Variants in HTR1E observed in about 807,000 individuals in gnomAD.
HTR1E encodes 5-hydroxytryptamine receptor 1E.
In HTR1E, 3 loss-of-function variants were observed where a neutral mutation model predicts 3.4. The ratio of observed to expected loss-of-function variants is 0.89; its 90% CI spans 0.41 to 2.31. The LOEUF is 2.31. HTR1E is among the 30% of genes most tolerant of loss of function. HTR1E has a pLI of 0.05. For missense variants in HTR1E, 392 were observed against 467.0 expected (o/e 0.84, Z 1.48); for synonymous variants, 170 against 182.8 (o/e 0.93, Z 0.56).
intron 1 of HTR1E, among the ~76,000 whole-genome samples, chr6:86,940,689 C>T (rs895328189): frequency 2.0e-5 from 3 of 152,050 alleles, no homozygotes; most frequent in Admixed American, 6.6e-5. Context: ...GTTTTGATTG[C>T]CCACCCTGGA....
At chr6:86,979,612 G>C (rs1175160766) in intron 1 of HTR1E, among the ~76,000 whole-genome samples, 1 of 152,150 alleles carries the variant, frequency 6.6e-6, no homozygotes, top group South Asian at 2.1e-4. Flanking sequence ...AGTCCCTGGA[G>C]ACTTTAAGAC....
intron 1 of HTR1E, among the ~76,000 whole-genome samples, chr6:86,950,162 G>C (rs1036204844): frequency 1.3e-5 from 2 of 152,086 alleles, no homozygotes; most frequent in African/African-American, 4.8e-5. Context: ...TAAGAGTCAG[G>C]TTATTTCCCT....
chr6:86,995,934 T>C (rs1767934562), intron 1 of HTR1E, among the ~76,000 whole-genome samples: 1 of 151,708 alleles, frequency 6.6e-6, no homozygotes, highest in African/African-American at 2.4e-5. Flanking sequence ...ACATAGCAAT[T>C]CTAAATGTTC....
chr6:86,971,726 C>G (rs1299543915), intron 1 of HTR1E, among the ~76,000 whole-genome samples: 1 of 151,840 alleles, frequency 6.6e-6, no homozygotes, highest in Non-Finnish European at 1.5e-5. Context: ...ATTTTAGATT[C>G]AGAGGGGATG....
chr6:86,939,314 T>A (rs1324458088), intron 1 of HTR1E, among the ~76,000 whole-genome samples: 2 of 152,252 alleles, frequency 1.3e-5, no homozygotes, highest in African/African-American at 4.8e-5. Context: ...ACAGAGTATG[T>A]TGCTTATTTC....
chr6:86,941,634 G>A (rs1334395560), intron 1 of HTR1E, among the ~76,000 whole-genome samples: 1 of 152,188 alleles, frequency 6.6e-6, no homozygotes, highest in Non-Finnish European at 1.5e-5. Context: ...TAAACTACAA[G>A]TTGTAAGAGG....
At chr6:86,950,611 A>G (rs1767224053) in intron 1 of HTR1E, among the ~76,000 whole-genome samples, 1 of 152,244 alleles carries the variant, frequency 6.6e-6, no homozygotes, top group African/African-American at 2.4e-5. Flanking sequence ...TCAAAATGAG[A>G]AAATGTATGC....
intron 1 of HTR1E, among the ~76,000 whole-genome samples, chr6:86,988,886 G>T (rs1767833881): frequency 1.3e-5 from 2 of 152,164 alleles, no homozygotes; most frequent in Admixed American, 6.5e-5. Context: ...AAGTTGAGGT[G>T]TAAGTGTGTA....
At chr6:86,984,949 C>A (rs1242736061) in intron 1 of HTR1E, among the ~76,000 whole-genome samples, 2 of 152,100 alleles carry the variant, frequency 1.3e-5, no homozygotes, top group African/African-American at 4.8e-5. Flanking sequence ...ACAAGGAGCA[C>A]AAGTTTTGGT....
At position 86,937,659 on chromosome 6, in the gene HTR1E, G is replaced by C. The variant is rs1446960578; in HGVS notation, c.-350G>C. On this transcript the variant is annotated 5_prime_UTR_variant, in exon 1 of 2. Coordinates refer to ENST00000305344, the MANE Select transcript of HTR1E (RefSeq NM_000865.3). Reference sequence around the variant, plus strand: ...CACTGGCGCGGGCAAGGACGCTGGCGGGGAGAACGCCCTGGGCTCAACGTA... The same window carrying C: ...CACTGGCGCGGGCAAGGACGCTGGCCGGGAGAACGCCCTGGGCTCAACGTA... The C allele has an allele frequency of 6.5e-6, 1 of 152,818 alleles. No homozygotes were observed. Among genetic ancestry groups the C allele is most frequent in the African/African-American group, 2.4e-5 (1 of 41,474 alleles). 9.5% of individuals were successfully genotyped at this position (152,818 alleles called of 1,614,324 possible). A position where few individuals can be genotyped will look rare whatever the true frequency, so the allele number is the denominator to read the frequency against.
chr6:86,980,093 T>C (rs1014581514), intron 1 of HTR1E, among the ~76,000 whole-genome samples: 2 of 152,052 alleles, frequency 1.3e-5, no homozygotes, highest in Admixed American at 1.3e-4. Context: ...TCCTTTAGAA[T>C]CAAAACAGGG....
chr6:87,016,577 TTTTG>T lies in HTR1E; in HGVS notation c.*148_*151del. On this transcript the variant is annotated 3_prime_UTR_variant, in exon 2 of 2. Transcript: ENST00000305344. ...TCTTGTTTCCTTGTTTGTTTGTTTG[TTTTG>T]TTCTGTTTTGTTTGAGGATTGTTAT... 1 of 647,898 alleles carries T rather than the reference TTTTG, an allele frequency of 1.5e-6. No homozygotes were observed. The highest frequency in any genetic ancestry group is 2.8e-5 in the East Asian group (1 of 35,258). The allele number at this position is 647,898 out of a possible 1,614,324, so 40.1% of individuals were successfully genotyped here.
At chr6:86,944,113 T>G (rs1768583303) in intron 1 of HTR1E, among the ~76,000 whole-genome samples, 1 of 152,172 alleles carries the variant, frequency 6.6e-6, no homozygotes, top group African/African-American at 2.4e-5. Flanking sequence ...CAAAACAGAG[T>G]GCTTCATGCA....
chr6:86,937,928 CA>C (rs1408007171), intron 1 of HTR1E, 105 bp downstream of exon 1: 1 of 152,892 alleles, frequency 6.5e-6, no homozygotes, highest in Non-Finnish European at 1.5e-5. Context: ...CTTTGAGGCG[CA>C]AAGGCGGCGG....
chr6:87,004,736 T>C (rs1442938024), intron 1 of HTR1E, among the ~76,000 whole-genome samples: 2 of 152,142 alleles, frequency 1.3e-5, no homozygotes, highest in African/African-American at 2.4e-5. Flanking sequence ...CTGGAAGTCC[T>C]AGCTAGAGCA....
rs773047679 is a variant in HTR1E at position 87,015,318 on chromosome 6, A to T, written c.-17A>T. ...AACCAACAGCTTCTCCACAGTGTAG[A>T]CTGAAACAAGGGAAACATGAACATC... is the stretch of plus-strand genomic sequence containing the variant. On this transcript the variant is annotated 5_prime_UTR_variant, in exon 2 of 2. Coordinates refer to ENST00000305344, the MANE Select transcript of HTR1E (RefSeq NM_000865.3). 1 of 1,531,660 alleles carries T rather than the reference A, an allele frequency of 6.5e-7. No individual in the cohort carries two copies. Among genetic ancestry groups the T allele is most frequent in the Admixed American group, 2.0e-5 (1 of 49,674 alleles). The allele number at this position is 1,531,660 out of a possible 1,614,324, so 94.9% of individuals were successfully genotyped here.
In HTR1E at chr6:86,967,270, T is replaced by A. The variant is rs147779342; in HGVS notation, c.-186+29447T>A. On this transcript the variant is annotated intron_variant, in intron 1 of 1. Coordinates refer to ENST00000305344, the MANE Select transcript of HTR1E (RefSeq NM_000865.3). ...CCTATCACAATTATAATGTGGTATT[T>A]GAAAGAAGAAAAGACATTTCAAAAG... is the stretch of plus-strand genomic sequence containing the variant. Among the ~76,000 whole-genome samples, 98 of 152,290 alleles carry A rather than the reference T, an allele frequency of 6.4e-4. 1 individual carries two copies. In the East Asian group the frequency reaches 0.016, roughly 25 times the overall value.
chr6:87,007,844 G>T (rs1175427582), intron 1 of HTR1E, among the ~76,000 whole-genome samples: 3 of 152,084 alleles, frequency 2.0e-5, no homozygotes, highest in Non-Finnish European at 2.9e-5. Context: ...TGAGGCAGAA[G>T]GATCGCTTGA....
intron 1 of HTR1E, among the ~76,000 whole-genome samples, chr6:87,011,940 A>T (rs925803215): frequency 3.9e-5 from 6 of 152,218 alleles, no homozygotes; most frequent in Admixed American, 3.9e-4. Flanking sequence ...AGGAACAGAA[A>T]AGATCCTGGG....
Sources: gnomAD v4.1 joint callset for allele counts (sites outside exome capture counted in the v4.1 genomes callset) on GRCh38, gnomAD v4.1.1 for gene constraint, MANE v1.5 for transcripts, NCBI Gene and HGNC (gene_info 2026-07-23, HGNC 2026-07-21) for gene names.